Variants in DOCK2 observed in about 807,000 individuals in gnomAD.
DOCK2 encodes the protein dedicator of cytokinesis 2.
DOCK2 carries 87 observed loss-of-function variants against 248.9 expected under a neutral mutation model. The ratio of observed to expected loss-of-function variants is 0.35; its 90% CI spans 0.29 to 0.42. The LOEUF (loss-of-function observed/expected upper bound fraction) is 0.42, where lower values mean the gene tolerates loss of function less well. DOCK2 is among the 10% of genes least tolerant of loss of function. The pLI, the probability that DOCK2 is intolerant of heterozygous loss-of-function variation, is 1.00. For synonymous variants in DOCK2, 805 were observed against 821.6 expected, an observed-to-expected ratio of 0.98 and a Z score of 0.35; for missense variants, 1,747 against 2,300.2, an observed-to-expected ratio of 0.76 and a Z score of 4.92.
chr5:169,840,949 G>T, intron 27 of DOCK2, 97 bp downstream of exon 27: 1 of 1,330,782 alleles, frequency 7.5e-7, no homozygotes, highest in South Asian at 1.3e-5. Context: ...TCCCAGCATT[G>T]ATCATTGCTT....
At chr5:169,794,855 G>A (rs547968592) in intron 25 of DOCK2, among the ~76,000 whole-genome samples, 5 of 152,312 alleles carry the variant, frequency 3.3e-5, no homozygotes, top group South Asian at 2.1e-4. Context: ...CCTGGGAGGC[G>A]AAGCTTGCAG....
At chr5:170,074,612 C>A (rs1214215462) in intron 46 of DOCK2, among the ~76,000 whole-genome samples, 1 of 152,204 alleles carries the variant, frequency 6.6e-6, no homozygotes, top group East Asian at 1.9e-4. Flanking sequence ...GGAAGTGGAG[C>A]TCTCAGGACC....
At chr5:169,670,182 C>T (rs935204040) in intron 3 of DOCK2, among the ~76,000 whole-genome samples, 4 of 152,178 alleles carry the variant, frequency 2.6e-5, no homozygotes, top group Admixed American at 1.3e-4. Flanking sequence ...CTCCTCGTCT[C>T]GCTTAAAGTC....
At chr5:169,646,559 T>C (rs1303452463) in intron 1 of DOCK2, among the ~76,000 whole-genome samples, 2 of 152,182 alleles carry the variant, frequency 1.3e-5, no homozygotes, top group African/African-American at 4.8e-5. Context: ...GGCAGAGCTG[T>C]ATGGAGGGTT....
At position 170,041,270 on chromosome 5, in the gene DOCK2, A is replaced by C. The variant is rs1375759887; in HGVS notation, c.3756+125A>C. The C allele has an allele frequency of 1.2e-5, 10 of 845,402 alleles. No individual in the cohort carries two copies. The East Asian group carries it at 1.6e-4, about 13-fold the overall frequency. 52.4% of individuals were successfully genotyped at this position (845,402 alleles called of 1,614,324 possible). Reference sequence around the variant, plus strand: ...ATATTTTGTTTTGCCCTGTGTCTCCAAACTCTTGAGCTGGCAGGATACTTT... The same window carrying C: ...ATATTTTGTTTTGCCCTGTGTCTCCCAACTCTTGAGCTGGCAGGATACTTT... On this transcript the variant is annotated intron_variant, in intron 37 of 51. Transcript: ENST00000520908.
chr5:169,655,383 A>G (rs1294576760), intron 2 of DOCK2, among the ~76,000 whole-genome samples: 1 of 152,178 alleles, frequency 6.6e-6, no homozygotes, highest in Non-Finnish European at 1.5e-5. Context: ...GCCCCCAGTG[A>G]ATCCATTAGA....
At chr5:169,875,235 T>C (rs1338253423) in intron 27 of DOCK2, 1 of 456,742 alleles carries the variant, frequency 2.2e-6, no homozygotes, top group East Asian at 6.9e-5. Context: ...GGGAGCTTGC[T>C]GCAACTGCGG....
chr5:169,692,630 G>C (rs1760376499), intron 9 of DOCK2, among the ~76,000 whole-genome samples: 1 of 152,124 alleles, frequency 6.6e-6, no homozygotes, highest in Non-Finnish European at 1.5e-5. Context: ...TGGAATGGGG[G>C]CTTACCTGGG....
chr5:170,059,170 G>GAGCCCACCCC (rs1425081172), intron 44 of DOCK2, among the ~76,000 whole-genome samples: 1 of 151,948 alleles, frequency 6.6e-6, no homozygotes, highest in Non-Finnish European at 1.5e-5. Flanking sequence ...AGAAAAAGAA[G>GAGCCCACCCC]AGCCCACCCC....
intron 2 of DOCK2, among the ~76,000 whole-genome samples, chr5:169,667,019 C>T (rs990265515): frequency 4.6e-5 from 7 of 152,166 alleles, no homozygotes; most frequent in Admixed American, 3.9e-4. Context: ...ACCTATAAGA[C>T]GTACACACAT....
intron 14 of DOCK2, among the ~76,000 whole-genome samples, chr5:169,707,002 T>C (rs1324205097): frequency 6.6e-6 from 1 of 152,162 alleles, no homozygotes; most frequent in African/African-American, 2.4e-5. Flanking sequence ...CATGACTCGC[T>C]CACCATCAAC....
chr5:169,959,656 G>A (rs1210560121), intron 27 of DOCK2, among the ~76,000 whole-genome samples: 5 of 152,146 alleles, frequency 3.3e-5, no homozygotes, highest in Admixed American at 6.5e-5. Flanking sequence ...TGGACTAAAG[G>A]ACTTTAGGGA....
intron 22 of DOCK2, among the ~76,000 whole-genome samples, chr5:169,744,966 C>A (rs960607012): frequency 1.3e-5 from 2 of 152,170 alleles, no homozygotes; most frequent in Non-Finnish European, 2.9e-5. Flanking sequence ...GATTGGGAAG[C>A]CAGGTCGGGA....
chr5:169,755,304 G>A (rs1335630430), intron 23 of DOCK2, among the ~76,000 whole-genome samples: 1 of 152,072 alleles, frequency 6.6e-6, no homozygotes, highest in Non-Finnish European at 1.5e-5. Context: ...GTGTGTATAT[G>A]CATCACATGT....
chr5:169,673,480 C>T (rs1052113713), intron 5 of DOCK2, among the ~76,000 whole-genome samples: 1 of 151,816 alleles, frequency 6.6e-6, no homozygotes, highest in Non-Finnish European at 1.5e-5. Context: ...ATTAGAAGAA[C>T]ATTATTCATC....
intron 30 of DOCK2, among the ~76,000 whole-genome samples, chr5:170,005,870 G>A (rs1182811996): frequency 6.6e-6 from 1 of 152,100 alleles, no homozygotes; most frequent in African/African-American, 2.4e-5. Context: ...GTGTTAGGGG[G>A]CATTTCTGAA....
chr5:170,034,610 C>G, intron 35 of DOCK2, 55 bp downstream of exon 35: 1 of 1,600,992 alleles, frequency 6.2e-7, no homozygotes, highest in Non-Finnish European at 8.5e-7. Flanking sequence ...GGGGCTTGGG[C>G]TTGGCTTTGG....
At chr5:169,811,196 C>T (rs1216031624) in intron 26 of DOCK2, among the ~76,000 whole-genome samples, 1 of 152,130 alleles carries the variant, frequency 6.6e-6, no homozygotes, top group Non-Finnish European at 1.5e-5. Flanking sequence ...GGAAAGCAGT[C>T]CACCCTGCCT....
chr5:169,975,863 C>T (rs1777700318), intron 27 of DOCK2, among the ~76,000 whole-genome samples: 1 of 152,194 alleles, frequency 6.6e-6, no homozygotes, highest in Non-Finnish European at 1.5e-5. Flanking sequence ...TCCCCAGCAT[C>T]TAAAACCATG....
Sources: allele counts gnomAD v4.1 joint callset (sites outside exome capture counted in the v4.1 genomes callset), GRCh38; gene constraint gnomAD v4.1.1; transcripts MANE v1.5; gene names NCBI Gene and HGNC (gene_info 2026-07-23, HGNC 2026-07-21).